TRAPPC9: variants seen among roughly 807,000 people sequenced by gnomAD.
TRAPPC9 encodes trafficking protein particle complex subunit 9, also known as IKK2 binding protein.
TRAPPC9 carries 83 observed loss-of-function variants against 124.0 expected under a neutral mutation model. That is an observed-to-expected ratio of 0.67 (90% CI 0.56 to 0.80). The LOEUF (loss-of-function observed/expected upper bound fraction) is 0.80, where lower values mean the gene tolerates loss of function less well. Ranked by LOEUF, TRAPPC9 falls within the 30% of genes least tolerant of loss-of-function variation. TRAPPC9 has a pLI of 0.00. For missense variants in TRAPPC9, 1,302 were observed against 1,508.3 expected (o/e 0.86, Z 2.27); for synonymous variants, 638 against 617.5 (o/e 1.03, Z -0.49).
chr8:139,888,868 T>A (rs1830172354), intron 20 of TRAPPC9, among the ~76,000 whole-genome samples: 1 of 152,164 alleles, frequency 6.6e-6, no homozygotes, highest in Non-Finnish European at 1.5e-5. Context: ...GAGCTAGGGT[T>A]TAGGGTTATG....
chr8:140,038,677 C>T (rs955306184), intron 17 of TRAPPC9, among the ~76,000 whole-genome samples: 6 of 152,190 alleles, frequency 3.9e-5, no homozygotes, highest in East Asian at 1.9e-4. Flanking sequence ...TCAGGCATGA[C>T]GGCGGCCAGG....
intron 18 of TRAPPC9, among the ~76,000 whole-genome samples, chr8:139,995,421 C>G (rs1022856090): frequency 1.3e-5 from 2 of 152,124 alleles, no homozygotes; most frequent in East Asian, 1.9e-4. Context: ...GCAGTATTGG[C>G]GGGACAGGCT....
At chr8:140,219,599 CA>C (rs2131308688) in intron 17 of TRAPPC9, among the ~76,000 whole-genome samples, 1 of 152,324 alleles carries the variant, frequency 6.6e-6, no homozygotes. Context: ...TTATAACCCG[CA>C]GCCCAGAATT....
intron 9 of TRAPPC9, among the ~76,000 whole-genome samples, chr8:140,333,134 A>AC (rs1420764684): frequency 6.6e-6 from 1 of 151,898 alleles, no homozygotes; most frequent in Non-Finnish European, 1.5e-5. Context: ...TCAAAAAAAA[A>AC]AAAGAGAAAA....
At chr8:139,757,706 AG>A (rs1484976448) in intron 21 of TRAPPC9, among the ~76,000 whole-genome samples, 1 of 152,078 alleles carries the variant, frequency 6.6e-6, no homozygotes, top group East Asian at 1.9e-4. Context: ...GCCACTGGCC[AG>A]GCCTGTCTCA....
rs1004409575 is a variant in TRAPPC9 at position 140,182,679 on chromosome 8, C to T, written c.2556+38780G>A. 6.6e-6 allele frequency among the ~76,000 whole-genome samples: 1 copy of T among 152,154 alleles called. No individual in the cohort carries two copies. The highest frequency in any genetic ancestry group is 1.5e-5 in the Non-Finnish European group (1 of 68,030). ...GAGCTGGCAGAACAAATCTTTGTGC[C>T]ATTTGAGAGCTTACTTTAAGAAATT... On this transcript the variant is annotated intron_variant, in intron 17 of 22. Coordinates refer to ENST00000438773, the MANE Select transcript of TRAPPC9 (RefSeq NM_001160372.4). The surrounding 1 kb of genome is among the most constrained non-coding windows in gnomAD (Gnocchi z 4.0).
intron 18 of TRAPPC9, among the ~76,000 whole-genome samples, chr8:139,996,188 G>GAAAAAAAAAAAGAA (rs1837980403): frequency 1.5e-5 from 1 of 68,886 alleles, no homozygotes; most frequent in African/African-American, 4.9e-5. Flanking sequence ...AAAAAGAAAG[G>GAAAAAAAAAAAGAA]AAAGAAAAAA....
At chr8:140,194,513 G>C (rs954308165) in intron 17 of TRAPPC9, among the ~76,000 whole-genome samples, 1 of 152,078 alleles carries the variant, frequency 6.6e-6, no homozygotes, top group Non-Finnish European at 1.5e-5. Context: ...TTTTTTGCTT[G>C]AATACTTTCA....
At chr8:140,307,319 C>A (rs996332367) in intron 10 of TRAPPC9, among the ~76,000 whole-genome samples, 2 of 152,124 alleles carry the variant, frequency 1.3e-5, no homozygotes, top group Admixed American at 1.3e-4. Context: ...GTTGTTTGAG[C>A]CCTGACTCCA....
At chr8:140,328,973 C>T (rs1166917238) in intron 9 of TRAPPC9, among the ~76,000 whole-genome samples, 4 of 152,024 alleles carry the variant, frequency 2.6e-5, no homozygotes, top group Non-Finnish European at 4.4e-5. Flanking sequence ...AGGGCAAGCT[C>T]GTCGGAAGAC....
At chr8:139,948,910 C>T (rs952794700) in intron 19 of TRAPPC9, among the ~76,000 whole-genome samples, 5 of 152,084 alleles carry the variant, frequency 3.3e-5, no homozygotes, top group African/African-American at 1.2e-4. Flanking sequence ...AACCCTGTCT[C>T]TACTGAAAAT....
In TRAPPC9 at chr8:140,397,573, G is replaced by A. The variant is rs75617021; in HGVS notation, c.1134+47C>T. ...GCTGAATTCATAGTGAATCAATTCCGTAAGAACTGGATGAACTCTTCCACT... is the reference window on the plus strand; with the variant it reads ...GCTGAATTCATAGTGAATCAATTCCATAAGAACTGGATGAACTCTTCCACT... On this transcript the variant is annotated intron_variant, in intron 7 of 22. Transcript: ENST00000438773. 0.019 allele frequency: 29,985 copies of A among 1,610,070 alleles called. 546 individuals are homozygous for A. Among genetic ancestry groups the A allele is most frequent in the African/African-American group, 0.091 (6,805 of 74,932 alleles).
At chr8:140,344,646 A>T (rs2067285671) in intron 9 of TRAPPC9, among the ~76,000 whole-genome samples, 1 of 152,258 alleles carries the variant, frequency 6.6e-6, no homozygotes, top group Non-Finnish European at 1.5e-5. Context: ...GCAGAAAAAA[A>T]CAAGTGCAAG....
intron 9 of TRAPPC9, among the ~76,000 whole-genome samples, chr8:140,338,238 A>G (rs1266654560): frequency 2.6e-5 from 4 of 152,182 alleles, no homozygotes; most frequent in Non-Finnish European, 1.5e-5. Flanking sequence ...TCCCCACGCC[A>G]TACGTATAAG....
intron 17 of TRAPPC9, among the ~76,000 whole-genome samples, chr8:140,074,084 G>A (rs1843354967): frequency 6.6e-6 from 1 of 152,184 alleles, no homozygotes. Flanking sequence ...TACCGTCACA[G>A]ACAGGAAGTG....
chr8:140,195,301 C>T (rs1306221621), intron 17 of TRAPPC9, among the ~76,000 whole-genome samples: 7 of 152,020 alleles, frequency 4.6e-5, no homozygotes, highest in Non-Finnish European at 7.4e-5. Context: ...CCAAAACACA[C>T]TCAACGATCC....
At chr8:140,223,694 T>C (rs1165319157) in intron 16 of TRAPPC9, among the ~76,000 whole-genome samples, 1 of 152,082 alleles carries the variant, frequency 6.6e-6, no homozygotes, top group African/African-American at 2.4e-5. Context: ...TAATATCTCT[T>C]TGCAAAAATA....
chr8:139,781,316 C>T (rs1256646328), intron 21 of TRAPPC9, among the ~76,000 whole-genome samples: 2 of 151,806 alleles, frequency 1.3e-5, no homozygotes, highest in Non-Finnish European at 1.5e-5. Context: ...GAAATAGTAG[C>T]ACCAAAAAGA....
intron 18 of TRAPPC9, among the ~76,000 whole-genome samples, chr8:140,016,302 A>G (rs1839458813): frequency 6.6e-6 from 1 of 152,158 alleles, no homozygotes; most frequent in African/African-American, 2.4e-5. Context: ...AGTCAGAAAG[A>G]TATTTTCTCT....
Sources: gnomAD v4.1 joint callset for allele counts (sites outside exome capture counted in the v4.1 genomes callset) on GRCh38, gnomAD v4.1.1 for gene constraint, Gnocchi (gnomAD v3.1) non-coding constraint, MANE v1.5 for transcripts, NCBI Gene and HGNC (gene_info 2026-07-23, HGNC 2026-07-21) for gene names.